SUGCT: variants seen among roughly 807,000 people sequenced by gnomAD.
The protein encoded by SUGCT is succinyl-CoA:glutarate CoA-transferase.
Under a neutral mutation model 55.0 loss-of-function variants are expected in SUGCT, and 41 were observed. The observed-to-expected ratio is 0.74, with a 90% CI of 0.58 to 0.97. The LOEUF is 0.97. SUGCT is among the 50% of genes least tolerant of loss of function. The pLI, the probability that SUGCT is intolerant of heterozygous loss-of-function variation, is 0.00. For missense variants in SUGCT, 568 were observed against 547.8 expected (o/e 1.04, Z -0.37); for synonymous variants, 187 against 200.4 (o/e 0.93, Z 0.56).
intron 12 of SUGCT, among the ~76,000 whole-genome samples, chr7:40,676,761 C>T (rs1246668325): frequency 2.6e-5 from 4 of 152,038 alleles, no homozygotes; most frequent in Non-Finnish European, 2.9e-5. Context: ...CCTTGGCCTC[C>T]CAAAGTGCTG....
At chr7:40,165,229 C>G (rs538309444) in intron 1 of SUGCT, among the ~76,000 whole-genome samples, 259 of 152,144 alleles carry the variant, frequency 1.7e-3, no homozygotes, top group Non-Finnish European at 2.8e-3. Context: ...TGTTTTGTGA[C>G]TTGGCCTTTA....
chr7:40,138,514 T>G (rs931548607), intron 1 of SUGCT, among the ~76,000 whole-genome samples: 1 of 152,246 alleles, frequency 6.6e-6, no homozygotes, highest in Non-Finnish European at 1.5e-5. Flanking sequence ...AGATGCACAG[T>G]AGTGGGATTG....
chr7:40,849,411 G>A (rs999351096), intron 13 of SUGCT, among the ~76,000 whole-genome samples: 2 of 152,162 alleles, frequency 1.3e-5, no homozygotes, highest in African/African-American at 4.8e-5. Context: ...TTTCATTGCT[G>A]TAGAAATGCA....
chr7:40,771,631 A>T (rs958564982), intron 13 of SUGCT, among the ~76,000 whole-genome samples: 1 of 152,194 alleles, frequency 6.6e-6, no homozygotes, highest in Non-Finnish European at 1.5e-5. Context: ...ATTTTTCAAT[A>T]TGTAGGTCTT....
the SUGCT span, among the ~76,000 whole-genome samples, chr7:40,941,142 G>A: frequency 2.0e-5 from 3 of 151,760 alleles, no homozygotes; most frequent in Admixed American, 1.3e-4. Context: ...TATGGTTTTT[G>A]CTTTTAATTT....
intron 12 of SUGCT, among the ~76,000 whole-genome samples, chr7:40,548,314 G>A (rs1243691551): frequency 3.3e-5 from 5 of 149,396 alleles, no homozygotes; most frequent in Non-Finnish European, 7.4e-5. Flanking sequence ...TAAACTGTCT[G>A]AATAGCTGGA....
chr7:40,628,712 T>A (rs556743937), intron 12 of SUGCT, among the ~76,000 whole-genome samples: 37 of 148,926 alleles, frequency 2.5e-4, no homozygotes, highest in Non-Finnish European at 4.6e-4. Flanking sequence ...AGTTTTTGGG[T>A]GTGTGTGTTT....
At chr7:40,195,854 C>T (rs1163149323) in intron 6 of SUGCT, among the ~76,000 whole-genome samples, 3 of 151,664 alleles carry the variant, frequency 2.0e-5, no homozygotes, top group Non-Finnish European at 4.4e-5. Context: ...TCTGGGGTTA[C>T]AGGTGCCTAC....
At chr7:40,898,525 C>T in the SUGCT span, among the ~76,000 whole-genome samples, 11 of 134,482 alleles carry the variant, frequency 8.2e-5, no homozygotes, top group Non-Finnish European at 1.4e-4. Context: ...AGATCGAGAC[C>T]ATCCTCGCTA....
At chr7:40,913,243 G>C in the SUGCT span, among the ~76,000 whole-genome samples, 1 of 151,944 alleles carries the variant, frequency 6.6e-6, no homozygotes, top group African/African-American at 2.4e-5. Context: ...ACCTTTGATG[G>C]ACACACCATA....
At chr7:40,476,081 T>A (rs1055465274) in intron 11 of SUGCT, among the ~76,000 whole-genome samples, 3 of 152,140 alleles carry the variant, frequency 2.0e-5, no homozygotes, top group African/African-American at 7.2e-5. Flanking sequence ...TGTTGGTAAA[T>A]CATTTAAATG....
At chr7:40,847,840 A>AC (rs991611340) in intron 13 of SUGCT, among the ~76,000 whole-genome samples, 6 of 151,880 alleles carry the variant, frequency 4.0e-5, no homozygotes, top group East Asian at 1.9e-4. Flanking sequence ...AAATCTCAGG[A>AC]CCCCCAAACT....
chr7:40,246,790 G>A (rs1789912162), intron 7 of SUGCT, among the ~76,000 whole-genome samples: 1 of 151,668 alleles, frequency 6.6e-6, no homozygotes, highest in Admixed American at 6.6e-5. Context: ...GTAGAGACGA[G>A]GTTTTGCCAT....
At chr7:40,544,941 T>G (rs1794910406) in intron 12 of SUGCT, among the ~76,000 whole-genome samples, 1 of 152,190 alleles carries the variant, frequency 6.6e-6, no homozygotes, top group African/African-American at 2.4e-5. Context: ...GCATGTACTA[T>G]AATTTTATAG....
chr7:40,701,371 A>G (rs1187702654), intron 12 of SUGCT, among the ~76,000 whole-genome samples: 5 of 152,358 alleles, frequency 3.3e-5, no homozygotes, highest in Non-Finnish European at 4.4e-5. Context: ...TCCAGTGTTC[A>G]GAGGCCCTGT....
chr7:40,370,597 A>G (rs1378254866), intron 9 of SUGCT, among the ~76,000 whole-genome samples: 3 of 141,174 alleles, frequency 2.1e-5, no homozygotes, highest in African/African-American at 7.9e-5. Context: ...GAGATGGGGG[A>G]GAGAGAGAGA....
intron 9 of SUGCT, among the ~76,000 whole-genome samples, chr7:40,402,952 T>A (rs892295032): frequency 3.9e-5 from 6 of 152,222 alleles, no homozygotes; most frequent in Non-Finnish European, 7.3e-5. Context: ...ACTGGAAACC[T>A]CGTGTTGCAC....
intron 9 of SUGCT, among the ~76,000 whole-genome samples, chr7:40,400,568 A>G (rs924646590): frequency 9.2e-5 from 14 of 152,142 alleles, no homozygotes; most frequent in East Asian, 1.9e-4. Flanking sequence ...TCTTCATGAG[A>G]GCCAACTTCT....
chr7:40,285,217 A>C (rs2151029901), intron 8 of SUGCT, among the ~76,000 whole-genome samples: 1 of 152,304 alleles, frequency 6.6e-6, no homozygotes, highest in African/African-American at 2.4e-5. Context: ...CAAGATATAA[A>C]AGAAATAGAA....
Sources: allele counts gnomAD v4.1 joint callset (sites outside exome capture counted in the v4.1 genomes callset), GRCh38; gene constraint gnomAD v4.1.1; transcripts MANE v1.5; gene names NCBI Gene and HGNC (gene_info 2026-07-23, HGNC 2026-07-21).